ARHGAP10: variants seen among roughly 807,000 people sequenced by gnomAD.
ARHGAP10 encodes rho GTPase-activating protein 10.
In ARHGAP10, 87 loss-of-function variants were observed where a neutral mutation model predicts 108.6. That is an observed-to-expected ratio of 0.80 (90% CI 0.67 to 0.96). The LOEUF is 0.96. ARHGAP10 is among the 40% of genes least tolerant of loss of function. ARHGAP10 has a pLI of 0.00. For missense variants in ARHGAP10, 939 were observed against 954.5 expected (o/e 0.98, Z 0.21); for synonymous variants, 347 against 341.1 (o/e 1.02, Z -0.19).
intron 1 of ARHGAP10, among the ~76,000 whole-genome samples, chr4:147,766,407 T>C (rs766003056): frequency 3.9e-5 from 6 of 152,028 alleles, no homozygotes; most frequent in Non-Finnish European, 7.4e-5. Flanking sequence ...TAAATAGTTA[T>C]ATTGTATTGT....
chr4:147,935,454 G>A (rs1396839248), intron 13 of ARHGAP10, among the ~76,000 whole-genome samples: 3 of 152,220 alleles, frequency 2.0e-5, no homozygotes, highest in Admixed American at 6.5e-5. Context: ...GCAGACATTA[G>A]TCTGAAGTTT....
Position 147,959,727 on chromosome 4 carries a change from A to T in ARHGAP10, c.1450+4353A>T, listed in dbSNP as rs183865749. ...CTTTTTAATGGTTGCATAGTATTTC[A>T]TGGTGTGTATGTGCCACATATTCTT... is the stretch of plus-strand genomic sequence containing the variant. On this transcript the variant is annotated intron_variant, in intron 16 of 22. Coordinates refer to ENST00000336498, the MANE Select transcript of ARHGAP10 (RefSeq NM_024605.4). Among the ~76,000 whole-genome samples the T allele has an allele frequency of 2.0e-3, 305 of 152,230 alleles. 4 individuals carry two copies. Among genetic ancestry groups the T allele is most frequent in the Non-Finnish European group, 7.9e-4 (54 of 68,026 alleles).
chr4:148,029,123 T>C (rs1169907045), intron 19 of ARHGAP10, among the ~76,000 whole-genome samples: 2 of 152,202 alleles, frequency 1.3e-5, no homozygotes, highest in Non-Finnish European at 2.9e-5. Flanking sequence ...ATAGTGTATA[T>C]GGGAAAGTCA....
intron 1 of ARHGAP10, among the ~76,000 whole-genome samples, chr4:147,740,006 G>T (rs1728594227): frequency 6.7e-6 from 1 of 149,724 alleles, no homozygotes; most frequent in Non-Finnish European, 1.5e-5. Context: ...AAAGTCCTGG[G>T]ATTACAGGTG....
chr4:147,920,923 G>A (rs1454862404), intron 13 of ARHGAP10, among the ~76,000 whole-genome samples: 1 of 152,196 alleles, frequency 6.6e-6, no homozygotes, highest in Non-Finnish European at 1.5e-5. Context: ...GAAACATGGA[G>A]AAACAGTAAA....
intron 1 of ARHGAP10, among the ~76,000 whole-genome samples, chr4:147,733,963 C>T (rs1728324657): frequency 6.6e-6 from 1 of 151,246 alleles, no homozygotes; most frequent in Non-Finnish European, 1.5e-5. Context: ...GTTGAGGGCT[C>T]TCCAGGCCCT....
chr4:148,058,414 A>C (rs1729455449), intron 20 of ARHGAP10, among the ~76,000 whole-genome samples: 1 of 152,048 alleles, frequency 6.6e-6, no homozygotes, highest in Non-Finnish European at 1.5e-5. Flanking sequence ...TCCTCGCTCT[A>C]CCCTTTTGAA....
At chr4:147,874,931 G>A (rs1734998030) in intron 7 of ARHGAP10, 90 bp from the exon 8 acceptor site, 9 of 1,298,410 alleles carry the variant, frequency 6.9e-6, no homozygotes, top group Middle Eastern at 2.2e-4. Context: ...GTTAAAAAAT[G>A]TAATTACATT....
chr4:148,046,818 C>T (rs1474697717), intron 19 of ARHGAP10, 74 bp from the exon 20 acceptor site: 1 of 1,413,356 alleles, frequency 7.1e-7, no homozygotes, highest in South Asian at 1.3e-5. Flanking sequence ...AATCAAGTAA[C>T]ACCATATAAT....
At chr4:147,904,974 G>A (rs1736416050) in intron 10 of ARHGAP10, among the ~76,000 whole-genome samples, 1 of 152,124 alleles carries the variant, frequency 6.6e-6, no homozygotes, top group African/African-American at 2.4e-5. Flanking sequence ...GCATTTCTCT[G>A]ATGGCCAGTG....
chr4:148,055,576 C>T (rs548033179), intron 20 of ARHGAP10, among the ~76,000 whole-genome samples: 1 of 152,292 alleles, frequency 6.6e-6, no homozygotes, highest in South Asian at 2.1e-4. Context: ...GTAATCCCAG[C>T]TACTCGGGAG....
intron 19 of ARHGAP10, among the ~76,000 whole-genome samples, chr4:148,031,317 T>A (rs1728139832): frequency 6.6e-6 from 1 of 152,240 alleles, no homozygotes; most frequent in East Asian, 1.9e-4. Flanking sequence ...TGAACAGTTA[T>A]GTATTAGCAT....
intron 1 of ARHGAP10, among the ~76,000 whole-genome samples, chr4:147,759,227 C>T (rs929506783): frequency 2.6e-5 from 4 of 152,186 alleles, no homozygotes; most frequent in East Asian, 3.9e-4. Context: ...CTGAGAACTC[C>T]GTATGTTGTC....
At chr4:147,782,068 G>A (rs1730559393) in intron 1 of ARHGAP10, among the ~76,000 whole-genome samples, 1 of 152,168 alleles carries the variant, frequency 6.6e-6, no homozygotes, top group Admixed American at 6.5e-5. Flanking sequence ...GGGTAATATA[G>A]CAAAGTAACA....
At chr4:147,958,542 A>G (rs1243530990) in intron 16 of ARHGAP10, among the ~76,000 whole-genome samples, 2 of 152,188 alleles carry the variant, frequency 1.3e-5, no homozygotes, top group East Asian at 3.8e-4. Flanking sequence ...CAAGACAAAA[A>G]TCATGTGATT....
chr4:147,853,383 C>T (rs1411975467), intron 4 of ARHGAP10, among the ~76,000 whole-genome samples: 2 of 152,136 alleles, frequency 1.3e-5, no homozygotes, highest in Non-Finnish European at 2.9e-5. Flanking sequence ...TAGACGAGTC[C>T]AACAGTAAAC....
chr4:147,970,801 A>G (rs1005149201), intron 18 of ARHGAP10, among the ~76,000 whole-genome samples: 1 of 152,186 alleles, frequency 6.6e-6, no homozygotes, highest in Non-Finnish European at 1.5e-5. Flanking sequence ...CATAATAAAG[A>G]TGTAGACTGA....
intron 1 of ARHGAP10, among the ~76,000 whole-genome samples, chr4:147,798,763 CTCTCTCTCTCTCTCTCTCTA>C (rs1731437759): frequency 5.3e-4 from 8 of 15,202 alleles, no homozygotes; most frequent in South Asian, 3.4e-3. Flanking sequence ...CTCTCTCTCT[CTCTCTCTCTCTCTCTCTCTA>C]TATATATATA....
chr4:147,753,779 C>G (rs193073101), intron 1 of ARHGAP10, among the ~76,000 whole-genome samples: 1 of 152,216 alleles, frequency 6.6e-6, no homozygotes, highest in East Asian at 1.9e-4. Context: ...ATGATGCTCA[C>G]GTATTCATGA....
Sources: allele counts gnomAD v4.1 joint callset (sites outside exome capture counted in the v4.1 genomes callset), GRCh38; gene constraint gnomAD v4.1.1; transcripts MANE v1.5; gene names NCBI Gene and HGNC (gene_info 2026-07-23, HGNC 2026-07-21).